The following SAXO1 variants were observed in gnomAD, a reference collection of about 807,000 sequenced individuals.
SAXO1 encodes stabilizer of axonemal microtubules 1, also known as 4930500O09Rik.
In SAXO1, 21 loss-of-function variants were observed where a neutral mutation model predicts 17.5. That is an observed-to-expected ratio of 1.20 (90% confidence interval 0.85 to 1.72). The LOEUF is 1.72. Among genes scored for constraint, SAXO1 ranks in the 40% most tolerant of loss-of-function variants. The pLI, the probability that SAXO1 is intolerant of heterozygous loss-of-function variation, is 0.00. For missense variants in SAXO1, 843 were observed against 596.0 expected (o/e 1.41, Z -4.32); for synonymous variants, 274 against 216.5 (o/e 1.27, Z -2.33).
intron 1 of SAXO1, among the ~76,000 whole-genome samples, chr9:18,981,235 GA>G (rs1021530606): frequency 3.2e-4 from 48 of 152,300 alleles, no homozygotes; most frequent in African/African-American, 9.6e-4. Context: ...AAGAAAGGAA[GA>G]GAAAGCCCCT....
chr9:19,020,059 C>A (rs923149109), intron 1 of SAXO1, among the ~76,000 whole-genome samples: 1 of 151,472 alleles, frequency 6.6e-6, no homozygotes, highest in Non-Finnish European at 1.5e-5. Flanking sequence ...GGAAAGCATC[C>A]TTCAGTTGTG....
intron 3 of SAXO1, among the ~76,000 whole-genome samples, chr9:18,938,697 T>C (rs1831407958): frequency 6.6e-6 from 1 of 152,040 alleles, no homozygotes; most frequent in Non-Finnish European, 1.5e-5. Context: ...CTCACTCTTC[T>C]GTAGTTTGAA....
At chr9:19,005,178 G>C (rs1834435599) in intron 1 of SAXO1, among the ~76,000 whole-genome samples, 1 of 152,152 alleles carries the variant, frequency 6.6e-6, no homozygotes, top group Non-Finnish European at 1.5e-5. Context: ...TGGACTGGAA[G>C]TCTTAATACT....
chr9:19,009,535 C>G (rs1473806283), intron 1 of SAXO1, among the ~76,000 whole-genome samples: 1 of 152,064 alleles, frequency 6.6e-6, no homozygotes, highest in Non-Finnish European at 1.5e-5. Flanking sequence ...GGCAAACTCC[C>G]GAGACCCCAG....
intron 2 of SAXO1, among the ~76,000 whole-genome samples, chr9:18,946,140 G>A (rs1259431947): frequency 6.6e-6 from 1 of 151,970 alleles, no homozygotes; most frequent in Non-Finnish European, 1.5e-5. Flanking sequence ...GCTGGATGTG[G>A]TGGGACACAC....
chr9:19,013,531 A>G (rs1205052100), intron 1 of SAXO1, among the ~76,000 whole-genome samples: 1 of 149,206 alleles, frequency 6.7e-6, no homozygotes, highest in Non-Finnish European at 1.5e-5. Context: ...GAAGAAACTA[A>G]AAGTACGGAT....
In SAXO1 at chr9:19,047,473, G is replaced by T. The variant is rs143229073; in HGVS notation, c.-158+1736C>A. Reference sequence around the variant, plus strand: ...GGAAATACATCATCAAACAATTCAAGAACATTGTTTAGAATTCAAGGGCAT... The same window carrying T: ...GGAAATACATCATCAAACAATTCAATAACATTGTTTAGAATTCAAGGGCAT... On this transcript the variant is annotated intron_variant, in intron 1 of 3. Transcript: ENST00000542071. Among the ~76,000 whole-genome samples the T allele has an allele frequency of 3.1e-4, 47 of 152,312 alleles. No homozygotes were observed. The East Asian group carries it at 8.3e-3, about 27-fold the overall frequency.
chr9:18,941,650 C>G lies in SAXO1; in HGVS notation c.408G>C (p.Leu136Phe), dbSNP rs1301369303. Reference sequence around the variant, plus strand: ...GTGCTCTCCCACCTTTATAAGTAGGCAAACACTCCATCTTGTCGCTACATG... The same window carrying G: ...GTGCTCTCCCACCTTTATAAGTAGGGAAACACTCCATCTTGTCGCTACATG... ...KYPCSDKMEC[L>F]PTYKADYLPW... The change falls in exon 3 of 4, where the codon TTG becomes TTC. Residue 136 changes from leucine (L) to phenylalanine (F), a missense_variant. Transcript: ENST00000380534. The G allele has an allele frequency of 1.2e-6, 2 of 1,614,072 alleles. No individual in the cohort carries two copies. Among genetic ancestry groups the G allele is most frequent in the East Asian group, 2.2e-5 (1 of 44,892 alleles).
rs566916515 is a variant in SAXO1, at chr9:18,928,506, G to C, written c.971C>G (p.Pro324Arg). Residue 324 changes from proline (P) to arginine (R), a missense_variant, in exon 4 of 4, where the codon CCT (proline) becomes CGT (arginine). Transcript: ENST00000380534. Reference sequence around the variant, plus strand: ...ACCGCACTTCTTAATCTGAAGTGCAGGTCGGCAGGACTGAGCTGGGGCACC... The same window carrying C: ...ACCGCACTTCTTAATCTGAAGTGCACGTCGGCAGGACTGAGCTGGGGCACC... ...PKGAPAQSCR[P>R]ALQIKKCGRF... is the part of the protein sequence containing the mutation. The C allele has an allele frequency of 1.8e-4, 294 of 1,613,950 alleles. No individual in the cohort carries two copies. The East Asian group carries it at 6.0e-3, about 33-fold the overall frequency.
intron 1 of SAXO1, among the ~76,000 whole-genome samples, chr9:19,029,009 C>A (rs890217707): frequency 6.6e-6 from 1 of 152,128 alleles, no homozygotes; most frequent in Non-Finnish European, 1.5e-5. Context: ...TTGGTTTAAC[C>A]CGCAGTGAGA....
upstream of SAXO1, among the ~76,000 whole-genome samples, chr9:19,034,282 T>G (rs529220402): frequency 1.3e-5 from 2 of 150,282 alleles, no homozygotes; most frequent in African/African-American, 2.5e-5. Context: ...GTGGGGGGGG[T>G]TAGGTTTTTT....
At chr9:18,998,167 C>A (rs1018292932) in intron 1 of SAXO1, among the ~76,000 whole-genome samples, 2 of 151,968 alleles carry the variant, frequency 1.3e-5, no homozygotes, top group African/African-American at 4.8e-5. Context: ...AAACTTCTCC[C>A]AGCTAAAGGA....
chr9:18,936,433 G>C (rs1026347799), intron 3 of SAXO1, among the ~76,000 whole-genome samples: 1 of 152,044 alleles, frequency 6.6e-6, no homozygotes, highest in Non-Finnish European at 1.5e-5. Context: ...ACTCCCTCAA[G>C]GTACTTGGGG....
intron 1 of SAXO1, among the ~76,000 whole-genome samples, chr9:19,045,263 T>C (rs961371193): frequency 2.2e-5 from 3 of 135,480 alleles, no homozygotes; most frequent in African/African-American, 5.5e-5. Flanking sequence ...TGAGCCGAGA[T>C]TGCGCCACTG....
At chr9:18,950,440 C>T (rs960984971) in intron 2 of SAXO1, among the ~76,000 whole-genome samples, 4 of 152,076 alleles carry the variant, frequency 2.6e-5, no homozygotes, top group African/African-American at 9.7e-5. Context: ...CAGCAACATC[C>T]CCCACTCTTT....
chr9:18,964,041 G>A (rs1260539460), intron 1 of SAXO1, among the ~76,000 whole-genome samples: 2 of 152,134 alleles, frequency 1.3e-5, no homozygotes, highest in Non-Finnish European at 2.9e-5. Context: ...TGTGGTTTTT[G>A]TCATTGGTTC....
intron 1 of SAXO1, chr9:19,027,099 C>G (rs1835508508): frequency 2.2e-6 from 2 of 914,500 alleles, no homozygotes; most frequent in Admixed American, 1.7e-5. Flanking sequence ...GAACAAAACC[C>G]TGGTGTACCT....
At position 18,994,571 on chromosome 9, in the gene SAXO1, T is replaced by A. The variant is rs549181295; in HGVS notation, c.38+38300A>T. On this transcript the variant is annotated intron_variant, in intron 1 of 3. Coordinates refer to ENST00000380534, the MANE Select transcript of SAXO1 (RefSeq NM_153707.4). ...GGTGTCACCACTGAAGGATGTGGCTTCCGGCAGGGAAGTATGTTCAATGTT... is the reference window on the plus strand; with the variant it reads ...GGTGTCACCACTGAAGGATGTGGCTACCGGCAGGGAAGTATGTTCAATGTT... Among the ~76,000 whole-genome samples the A allele has an allele frequency of 2.0e-5, 3 of 152,256 alleles. No homozygotes were observed. The East Asian group carries it at 5.8e-4, about 29-fold the overall frequency.
intron 1 of SAXO1, among the ~76,000 whole-genome samples, chr9:18,984,513 T>A (rs192029557): frequency 1.4e-3 from 219 of 152,376 alleles, no homozygotes; most frequent in African/African-American, 5.1e-3. Flanking sequence ...AGCTTCTACA[T>A]CAGCACTTCC....
Sources: allele counts gnomAD v4.1 joint callset (sites outside exome capture counted in the v4.1 genomes callset), GRCh38; gene constraint gnomAD v4.1.1; transcripts MANE v1.5; gene names NCBI Gene and HGNC (gene_info 2026-07-23, HGNC 2026-07-21).